MACROD2: variants seen among roughly 807,000 people sequenced by gnomAD.
MACROD2 encodes the protein ADP-ribose glycohydrolase MACROD2.
Under a neutral mutation model 70.4 loss-of-function variants are expected in MACROD2, and 36 were observed. That is an observed-to-expected ratio of 0.51 (90% CI 0.39 to 0.68). The LOEUF is 0.68. Among genes scored for constraint, MACROD2 ranks in the 30% least tolerant of loss-of-function variants. The pLI, the probability that MACROD2 is intolerant of heterozygous loss-of-function variation, is 0.00. For missense variants in MACROD2, 496 were observed against 538.4 expected, an observed-to-expected ratio of 0.92 and a Z score of 0.78; for synonymous variants, 172 against 178.8, an observed-to-expected ratio of 0.96 and a Z score of 0.30.
intron 5 of MACROD2, among the ~76,000 whole-genome samples, chr20:14,807,962 G>C (rs191539826): frequency 6.6e-6 from 1 of 152,192 alleles, no homozygotes; most frequent in African/African-American, 2.4e-5. Context: ...CCAAACCTAC[G>C]ATTGATTGGT....
intron 8 of MACROD2, among the ~76,000 whole-genome samples, chr20:15,842,730 A>ATAGATAGATAGC (rs2064186803): frequency 2.8e-5 from 1 of 36,002 alleles, no homozygotes; most frequent in South Asian, 5.2e-4. Flanking sequence ...AGATAGATAG[A>ATAGATAGATAGC]TAGATAGATA....
chr20:14,254,051 A>T (rs1050660429), intron 3 of MACROD2, among the ~76,000 whole-genome samples: 1 of 152,088 alleles, frequency 6.6e-6, no homozygotes, highest in Admixed American at 6.6e-5. Context: ...ATAGAGCATT[A>T]AAAAAAGATA....
intron 7 of MACROD2, among the ~76,000 whole-genome samples, chr20:15,447,153 T>C (rs2046579395): frequency 6.6e-6 from 1 of 151,862 alleles, no homozygotes; most frequent in Non-Finnish European, 1.5e-5. Flanking sequence ...CCCAACTACC[T>C]GTCCAGCCTA....
intron 8 of MACROD2, among the ~76,000 whole-genome samples, chr20:15,602,911 C>T (rs1469152606): frequency 6.7e-6 from 1 of 148,276 alleles, no homozygotes; most frequent in African/African-American, 2.6e-5. Flanking sequence ...TTTAATATGT[C>T]CCAGAAAATT....
chr20:14,890,764 A>AT (rs1476935299), intron 5 of MACROD2, among the ~76,000 whole-genome samples: 1 of 73,636 alleles, frequency 1.4e-5, no homozygotes, highest in Non-Finnish European at 2.5e-5. Context: ...AACAGAAAAA[A>AT]AAAAATAATA....
chr20:14,551,994 A>G (rs1978685041), intron 4 of MACROD2, among the ~76,000 whole-genome samples: 1 of 152,048 alleles, frequency 6.6e-6, no homozygotes. Context: ...GTGACTGAAT[A>G]TTGCACTTAA....
intron 6 of MACROD2, among the ~76,000 whole-genome samples, chr20:15,426,013 C>G (rs1375524022): frequency 2.0e-5 from 3 of 152,266 alleles, no homozygotes; most frequent in East Asian, 3.9e-4. Flanking sequence ...GACGGACTTT[C>G]AAGGGAATGG....
At chr20:14,590,962 A>G (rs1179091972) in intron 4 of MACROD2, among the ~76,000 whole-genome samples, 1 of 152,162 alleles carries the variant, frequency 6.6e-6, no homozygotes, top group East Asian at 1.9e-4. Context: ...GACATACATT[A>G]TGGTGTGAGT....
rs190720109 is a variant in MACROD2 at position 15,434,793 on chromosome 20, A to G, written c.571+3358A>G. Among the ~76,000 whole-genome samples the G allele has an allele frequency of 7.5e-3, 1,138 of 152,306 alleles. 8 individuals are homozygous for G. Among genetic ancestry groups the G allele is most frequent in the South Asian group, 0.011 (51 of 4,830 alleles). On this transcript the variant is annotated intron_variant, in intron 7 of 17. Transcript: ENST00000684519. ...TAAATGCCCATCAACCAATGAGTAG[A>G]TAAAGAAAATGTGGTATGTATATAC...
At chr20:15,831,926 T>G (rs1317696332) in intron 8 of MACROD2, among the ~76,000 whole-genome samples, 2 of 152,184 alleles carry the variant, frequency 1.3e-5, no homozygotes, top group Non-Finnish European at 2.9e-5. Flanking sequence ...TTTGTGTTGT[T>G]TAGCAAACTC....
At chr20:14,584,639 G>A (rs928530307) in intron 4 of MACROD2, among the ~76,000 whole-genome samples, 1 of 152,070 alleles carries the variant, frequency 6.6e-6, no homozygotes, top group African/African-American at 2.4e-5. Flanking sequence ...CACATATAGG[G>A]CTTCAACATT....
intron 8 of MACROD2, among the ~76,000 whole-genome samples, chr20:15,657,993 CA>C (rs1189505506): frequency 6.6e-6 from 1 of 151,996 alleles, no homozygotes; most frequent in African/African-American, 2.4e-5. Flanking sequence ...AACTCCATTT[CA>C]AAAAATAATA....
chr20:15,580,459 T>C (rs16996054), intron 8 of MACROD2, among the ~76,000 whole-genome samples: 3,598 of 152,252 alleles, frequency 0.024, 47 homozygotes, highest in East Asian at 0.061. Flanking sequence ...CTCAGAGAAT[T>C]AGCTATGTTA....
At chr20:14,582,847 C>A (rs1293710705) in intron 4 of MACROD2, among the ~76,000 whole-genome samples, 1 of 152,058 alleles carries the variant, frequency 6.6e-6, no homozygotes, top group Non-Finnish European at 1.5e-5. Flanking sequence ...CCATGAGATA[C>A]TCATATAATA....
At chr20:15,330,022 G>T (rs192381609) in intron 6 of MACROD2, among the ~76,000 whole-genome samples, 201 of 151,992 alleles carry the variant, frequency 1.3e-3, no homozygotes, top group Non-Finnish European at 2.6e-3. Context: ...GAGCAAACAG[G>T]CCTTGCTAAG....
intron 8 of MACROD2, among the ~76,000 whole-genome samples, chr20:15,529,214 C>A (rs1012053091): frequency 1.3e-5 from 2 of 151,798 alleles, no homozygotes; most frequent in East Asian, 3.9e-4. Context: ...TGAGAGAAAA[C>A]GAGAAAGAAA....
At chr20:14,181,491 C>T (rs1172829344) in intron 3 of MACROD2, among the ~76,000 whole-genome samples, 2 of 151,960 alleles carry the variant, frequency 1.3e-5, no homozygotes, top group African/African-American at 2.4e-5. Flanking sequence ...ATACAGTTCA[C>T]GTACCATAAA....
chr20:14,609,353 G>A (rs1033044962), intron 4 of MACROD2, among the ~76,000 whole-genome samples: 1 of 152,114 alleles, frequency 6.6e-6, no homozygotes, highest in African/African-American at 2.4e-5. Flanking sequence ...ATAGTTTCCG[G>A]TTTTGGGATC....
chr20:14,418,547 T>C (rs1356448753), intron 3 of MACROD2, among the ~76,000 whole-genome samples: 1 of 152,240 alleles, frequency 6.6e-6, no homozygotes, highest in Non-Finnish European at 1.5e-5. Context: ...AACTACTATG[T>C]TAATAAGTAC....
Sources: allele counts gnomAD v4.1 joint callset (sites outside exome capture counted in the v4.1 genomes callset), GRCh38; gene constraint gnomAD v4.1.1; transcripts MANE v1.5; gene names NCBI Gene and HGNC (gene_info 2026-07-23, HGNC 2026-07-21).